Variants in CELSR1 observed in about 807,000 individuals in gnomAD.
CELSR1 encodes adhesion G protein-coupled receptor C1.
Under a neutral mutation model 249.1 loss-of-function variants are expected in CELSR1, and 110 were observed. The ratio of observed to expected loss-of-function variants is 0.44; its 90% CI spans 0.38 to 0.52. CELSR1 has a LOEUF of 0.52. Ranked by LOEUF, CELSR1 falls within the 20% of genes least tolerant of loss-of-function variation. The probability of loss-of-function intolerance (pLI) is 0.00; values close to 1 mark genes in which losing one functional copy is unlikely to be tolerated. For synonymous variants in CELSR1, 2,113 were observed against 1,900.0 expected (o/e 1.11, Z -2.92); for missense variants, 4,109 against 4,296.4 (o/e 0.96, Z 1.22).
intron 22 of CELSR1, among the ~76,000 whole-genome samples, chr22:46,379,841 G>A (rs2078957723): frequency 6.6e-6 from 1 of 152,130 alleles, no homozygotes; most frequent in Admixed American, 6.5e-5. Flanking sequence ...CCCCTTCCCG[G>A]CACTCCCTCC....
intron 20 of CELSR1, among the ~76,000 whole-genome samples, chr22:46,382,738 C>T (rs2078992584): frequency 6.6e-6 from 1 of 152,194 alleles, no homozygotes; most frequent in African/African-American, 2.4e-5. Flanking sequence ...GGAAGTCTGA[C>T]AGTTGCTGCG....
chr22:46,367,081 T>C lies in CELSR1; in HGVS notation c.8117A>G (p.Gln2706Arg), dbSNP rs1179666363. 1 of 1,611,530 alleles carries C rather than the reference T, an allele frequency of 6.2e-7. No homozygotes were observed. The highest frequency in any genetic ancestry group is 8.5e-7 in the Non-Finnish European group (1 of 1,179,732). ...GCCCTTCAGGTGCTTCCGGACCTCC[T>C]GGTTGAGCACGCAGTGGAAAAGGAG... Reference protein sequence around the residue: ...FVLLFHCVLNQEVRKHLKGVL... With the variant: ...FVLLFHCVLNREVRKHLKGVL... The change falls in exon 29 of 35, where the codon CAG becomes CGG. Residue 2706 changes from glutamine (Q) to arginine (R), a missense_variant. This residue lies in a region of CELSR1 where 1,805 missense variants were observed against 1,831.6 expected (regional missense o/e 0.99). Transcript: ENST00000674500.
rs55877989 is a variant in CELSR1 at position 46,517,353 on chromosome 22, G to A, written c.3544+16274C>T. On this transcript the variant is annotated intron_variant, in intron 1 of 34. Coordinates refer to ENST00000674500, the MANE Select transcript of CELSR1 (RefSeq NM_001378328.1). This position sits in a 1 kb window ranked among gnomAD's most constrained non-coding sequence, Gnocchi z 5.4. ...CCCGGGCCAAACCGGAGACTTGGACGGCCGTCCAACACCAAAGCCACCGGT... is the reference window on the plus strand; with the variant it reads ...CCCGGGCCAAACCGGAGACTTGGACAGCCGTCCAACACCAAAGCCACCGGT... 9.6e-4 allele frequency among the ~76,000 whole-genome samples: 146 copies of A among 152,304 alleles called. 1 individual carries two copies. Among genetic ancestry groups the A allele is most frequent in the African/African-American group, 3.2e-3 (132 of 41,566 alleles).
intron 2 of CELSR1, among the ~76,000 whole-genome samples, chr22:46,458,484 G>A (rs569801647): frequency 8.3e-4 from 126 of 152,356 alleles, no homozygotes; most frequent in African/African-American, 2.9e-3. Context: ...GGGCTGGGGA[G>A]GCAGCGTCAT....
In CELSR1 at chr22:46,500,420, C is replaced by G; in HGVS notation, c.3544+33207G>C. On this transcript the variant is annotated intron_variant, in intron 1 of 34. Coordinates refer to ENST00000674500, the MANE Select transcript of CELSR1 (RefSeq NM_001378328.1). This position sits in a 1 kb window ranked among gnomAD's most constrained non-coding sequence, Gnocchi z 4.9. ...GGCGGTAACCATGGAAACTGGCAGTCGGTGCAGGAGGGCGAACGGTTGATG... is the reference window on the plus strand; with the variant it reads ...GGCGGTAACCATGGAAACTGGCAGTGGGTGCAGGAGGGCGAACGGTTGATG... 6.6e-6 allele frequency among the ~76,000 whole-genome samples: 1 copy of G among 152,104 alleles called. No individual in the cohort carries two copies. Among genetic ancestry groups the G allele is most frequent in the Non-Finnish European group, 1.5e-5 (1 of 68,034 alleles).
chr22:46,366,688 G>A lies in CELSR1; in HGVS notation c.8206-208C>T, dbSNP rs187504981. On this transcript the variant is annotated intron_variant, in intron 29 of 34. Transcript: ENST00000674500. ...CTGAGGGAAGCACATCCTGGCCCGCGCTGTGGTCAGGGGCTGCCGCCCTCC... is the reference window on the plus strand; with the variant it reads ...CTGAGGGAAGCACATCCTGGCCCGCACTGTGGTCAGGGGCTGCCGCCCTCC... Among the ~76,000 whole-genome samples the A allele has an allele frequency of 1.5e-4, 23 of 152,288 alleles. No homozygotes were observed. The East Asian group carries it at 2.5e-3, about 17-fold the overall frequency.
rs2079587584 is a variant in CELSR1, at chr22:46,430,869, G to A, written c.4611+2524C>T. 6.6e-6 allele frequency among the ~76,000 whole-genome samples: 1 copy of A among 152,258 alleles called. No individual in the cohort carries two copies. Among genetic ancestry groups the A allele is most frequent in the Non-Finnish European group, 1.5e-5 (1 of 68,024 alleles). On this transcript the variant is annotated intron_variant, in intron 5 of 34. Coordinates refer to ENST00000674500, the MANE Select transcript of CELSR1 (RefSeq NM_001378328.1). The surrounding 1 kb of genome is among the most constrained non-coding windows in gnomAD (Gnocchi z 4.6). ...GCTGCCACTCGGAGACTAAGTCACG[G>A]AGCAGCAGTACTGTCTCCTTCTCGG...
intron 1 of CELSR1, among the ~76,000 whole-genome samples, chr22:46,531,271 T>C (rs2080789549): frequency 6.6e-6 from 1 of 151,822 alleles, no homozygotes; most frequent in South Asian, 2.1e-4. Context: ...AGCAGTGGGA[T>C]CTCGGCTCAC....
At position 46,433,486 on chromosome 22, in the gene CELSR1, A is replaced by G. The variant is rs2079620854; in HGVS notation, c.4523-5T>C. ...CCACGGTCGTTGTTGTCTCGCCTGC[A>G]TGGTGGGAGGGAGACCCAGAGAGAA... On this transcript the variant is annotated splice_polypyrimidine_tract_variant and splice_region_variant and intron_variant, in intron 4 of 34. Transcript: ENST00000674500. The surrounding 1 kb of genome is among the most constrained non-coding windows in gnomAD (Gnocchi z 5.7). 6.2e-7 allele frequency: 1 copy of G among 1,608,236 alleles called. No individual in the cohort carries two copies. Among genetic ancestry groups the G allele is most frequent in the South Asian group, 1.1e-5 (1 of 90,936 alleles).
In CELSR1 at chr22:46,409,984, G is replaced by A; in HGVS notation, c.4934-104C>T. 6.7e-7 allele frequency: 1 copy of A among 1,499,526 alleles called. No homozygotes were observed. The highest frequency in any genetic ancestry group is 9.1e-7 in the Non-Finnish European group (1 of 1,101,520). The allele number at this position is 1,499,526 out of a possible 1,614,324, so 92.9% of individuals were successfully genotyped here. ...ACCAGGACGGAATGGACCCGGGGCTGGACAGAAGTCAGACCAGGTCTGAAC... is the reference window on the plus strand; with the variant it reads ...ACCAGGACGGAATGGACCCGGGGCTAGACAGAAGTCAGACCAGGTCTGAAC... On this transcript the variant is annotated intron_variant, in intron 7 of 34. Transcript: ENST00000674500. This position sits in a 1 kb window ranked among gnomAD's most constrained non-coding sequence, Gnocchi z 9.8.
Position 46,410,319 on chromosome 22 carries a change from A to C in CELSR1, c.4933+79T>G. On this transcript the variant is annotated intron_variant, in intron 7 of 34. Coordinates refer to ENST00000674500, the MANE Select transcript of CELSR1 (RefSeq NM_001378328.1). The surrounding 1 kb of genome is among the most constrained non-coding windows in gnomAD (Gnocchi z 6.8). The stretch of plus-strand genomic sequence containing the variant: ...AAACACGGCTCCCCAGGGATCTGCA[A>C]GCAGTGACCTCTGTGTGGCTGCCGA... The C allele has an allele frequency of 3.9e-6, 6 of 1,542,174 alleles. No homozygotes were observed. Among genetic ancestry groups the C allele is most frequent in the African/African-American group, 1.4e-5 (1 of 73,748 alleles).
At position 46,391,782 on chromosome 22, in the gene CELSR1, C is replaced by G; in HGVS notation, c.5999G>C (p.Cys2000Ser). ...NYYKLLAQDT[C>S]LPCDCFPHGS... ...ATGGGGGAAGCAGTCGCAGGGCAGA[C>G]AGGTGTCCTGGGCTAGGAGCTTGTA... Residue 2000 changes from cysteine to serine, a missense_variant, in exon 15 of 35, where the codon TGT (cysteine) becomes TCT (serine). By Grantham distance (112) the Cys-to-Ser change is moderately radical. Around this residue, in one of 7 missense-constraint regions of CELSR1, gnomAD observed 1,805 missense variants for 1,831.6 expected, o/e 0.99. Coordinates refer to ENST00000674500, the MANE Select transcript of CELSR1 (RefSeq NM_001378328.1). This position sits in a 1 kb window ranked among gnomAD's most constrained non-coding sequence, Gnocchi z 4.3. The G allele has an allele frequency of 6.2e-7, 1 of 1,612,684 alleles. No individual in the cohort carries two copies. Among genetic ancestry groups the G allele is most frequent in the Non-Finnish European group, 8.5e-7 (1 of 1,179,802 alleles).
intron 2 of CELSR1, among the ~76,000 whole-genome samples, chr22:46,455,063 G>C (rs1256442903): frequency 6.6e-6 from 1 of 152,174 alleles, no homozygotes; most frequent in Non-Finnish European, 1.5e-5. Context: ...TGTGAAGACG[G>C]AGGCGGAGAC....
In CELSR1 at chr22:46,471,936, C is replaced by T. The variant is rs2080159693; in HGVS notation, c.3545-7591G>A. Among the ~76,000 whole-genome samples the T allele has an allele frequency of 6.6e-6, 1 of 152,152 alleles. No homozygotes were observed. Among genetic ancestry groups the T allele is most frequent in the Non-Finnish European group, 1.5e-5 (1 of 68,040 alleles). ...ACGACTTTCTGCCTCACGCTGTCCCCCGTGGTTTCATTTCTGTGTGTGAGT... is the reference window on the plus strand; with the variant it reads ...ACGACTTTCTGCCTCACGCTGTCCCTCGTGGTTTCATTTCTGTGTGTGAGT... On this transcript the variant is annotated intron_variant, in intron 1 of 34. Coordinates refer to ENST00000674500, the MANE Select transcript of CELSR1 (RefSeq NM_001378328.1). The surrounding 1 kb of genome is among the most constrained non-coding windows in gnomAD (Gnocchi z 4.9).
rs959330311 is a variant in CELSR1 at position 46,446,053 on chromosome 22, A to C, written c.4184-6642T>G. ...GCTGGCCTCACCATGTGTCAGTCCC[A>C]CTGGCTAGACTCCCACTGCTCCATA... On this transcript the variant is annotated intron_variant, in intron 2 of 34. Coordinates refer to ENST00000674500, the MANE Select transcript of CELSR1 (RefSeq NM_001378328.1). This position sits in a 1 kb window ranked among gnomAD's most constrained non-coding sequence, Gnocchi z 5.5. Among the ~76,000 whole-genome samples, 1 of 152,066 alleles carries C rather than the reference A, an allele frequency of 6.6e-6. No individual in the cohort carries two copies. The highest frequency in any genetic ancestry group is 2.4e-5 in the African/African-American group (1 of 41,392).
intron 28 of CELSR1, 136 bp downstream of exon 28, chr22:46,367,593 A>G (rs7285194): frequency 0.13 from 166,058 of 1,246,492 alleles, 18,326 homozygotes; most frequent in African/African-American, 0.56. Context: ...CTGAGTCCTC[A>G]CAGCCACAGG....
chr22:46,463,876 G>A lies in CELSR1; in HGVS notation c.4014C>T (p.Phe1338=). 1 of 1,613,164 alleles carries A rather than the reference G, an allele frequency of 6.2e-7. No homozygotes were observed. The highest frequency in any genetic ancestry group is 8.5e-7 in the Non-Finnish European group (1 of 1,179,600). ...APFLSSTTVL[F]RPIHPINGLR... is the part of the protein sequence containing the mutation. ...GGCCGTTGATGGGGTGGATGGGCCG[G>A]AAGAGCACGGTGGTGGAGCTGAGGA... The change falls in exon 2 of 35, where the codon TTC becomes TTT. Residue 1338 remains phenylalanine, a synonymous_variant. Coordinates refer to ENST00000674500, the MANE Select transcript of CELSR1 (RefSeq NM_001378328.1).
chr22:46,502,581 C>T (rs187128142), intron 1 of CELSR1, among the ~76,000 whole-genome samples: 4 of 152,050 alleles, frequency 2.6e-5, no homozygotes, highest in African/African-American at 9.7e-5. Context: ...ATCAAAGTCA[C>T]TAGTGACAAA....
rs1366003806 is a variant in CELSR1 at position 46,411,815 on chromosome 22, C to G, written c.4612-56G>C. On this transcript the variant is annotated intron_variant, in intron 5 of 34. Transcript: ENST00000674500. This position sits in a 1 kb window ranked among gnomAD's most constrained non-coding sequence, Gnocchi z 4.2. ...GCGTTTTCTCCACCAGTGCCCTCAG[C>G]AGGCGCACCTGTCACTCATAGAGCG... 3 of 1,605,164 alleles carry G rather than the reference C, an allele frequency of 1.9e-6. No homozygotes were observed. The African/African-American group carries it at 4.0e-5, about 21-fold the overall frequency.
Sources: gnomAD v4.1 joint callset for allele counts (sites outside exome capture counted in the v4.1 genomes callset) on GRCh38, gnomAD v4.1.1 for gene constraint, gnomAD v4.1.1 regional missense constraint, Gnocchi (gnomAD v3.1) non-coding constraint, MANE v1.5 for transcripts, NCBI Gene and HGNC (gene_info 2026-07-23, HGNC 2026-07-21) for gene names.